The following KDM4A variants were observed in gnomAD, a reference collection of about 807,000 sequenced individuals.
The protein encoded by KDM4A is lysine demethylase 4A, also known as lysine-specific demethylase 4A.
A neutral mutation model predicts 127.1 loss-of-function variants in KDM4A; 23 were observed. The ratio of observed to expected loss-of-function variants is 0.18; its 90% CI spans 0.13 to 0.26. The LOEUF (loss-of-function observed/expected upper bound fraction) is 0.26, where lower values mean the gene tolerates loss of function less well. KDM4A is among the 10% of genes least tolerant of loss of function. The pLI is 1.00. For synonymous variants in KDM4A, 443 were observed against 466.5 expected (o/e 0.95, Z 0.65); for missense variants, 890 against 1,329.1 (o/e 0.67, Z 5.14).
At chr1:43,676,980 C>T (rs1660755025) in intron 11 of KDM4A, among the ~76,000 whole-genome samples, 1 of 152,152 alleles carries the variant, frequency 6.6e-6, no homozygotes, top group Non-Finnish European at 1.5e-5. Context: ...TGCCTCTCTG[C>T]TGAAGTATTT....
At chr1:43,690,652 G>A (rs1570865620) in intron 13 of KDM4A, 193 bp from the exon 14 acceptor site, 1 of 634,540 alleles carries the variant, frequency 1.6e-6, no homozygotes, top group Admixed American at 2.6e-5. Context: ...TTTGTATGAT[G>A]CTGCTGTGAG....
intron 11 of KDM4A, among the ~76,000 whole-genome samples, chr1:43,673,638 G>T (rs1660676560): frequency 6.6e-6 from 1 of 152,078 alleles, no homozygotes; most frequent in African/African-American, 2.4e-5. Flanking sequence ...AGGCTAATGA[G>T]CTAATAACTA....
In KDM4A at chr1:43,650,196, C is replaced by A; in HGVS notation, c.-96C>A. Reference sequence around the variant, plus strand: ...TCGCCTGCTGGAAAAGCAGTAGGATCGGCCAGTGGCGACAGCAGGAGCTGA... The same window carrying A: ...TCGCCTGCTGGAAAAGCAGTAGGATAGGCCAGTGGCGACAGCAGGAGCTGA... On this transcript the variant is annotated 5_prime_UTR_variant, in exon 1 of 22. Transcript: ENST00000372396. 1 of 152,448 alleles carries A rather than the reference C, an allele frequency of 6.6e-6. No individual in the cohort carries two copies. The highest frequency in any genetic ancestry group is 1.5e-5 in the Non-Finnish European group (1 of 68,120). The allele number at this position is 152,448 out of a possible 1,614,324, so 9.4% of individuals were successfully genotyped here.
intron 12 of KDM4A, among the ~76,000 whole-genome samples, chr1:43,686,866 T>C (rs1286615658): frequency 6.6e-6 from 1 of 152,244 alleles, no homozygotes; most frequent in Non-Finnish European, 1.5e-5. Context: ...TACAGCTCAA[T>C]GAAATTTTAC....
chr1:43,694,961 C>A lies in KDM4A; in HGVS notation c.2670+67C>A. On this transcript the variant is annotated intron_variant, in intron 18 of 21. Transcript: ENST00000372396. This position sits in a 1 kb window ranked among gnomAD's most constrained non-coding sequence, Gnocchi z 5.2. ...ATGGTCATTTTCTCTGCATGTTTTC[C>A]ATTTGTTGTATCAGCAACTATTTCC... 7.0e-7 allele frequency: 1 copy of A among 1,429,914 alleles called. No individual in the cohort carries two copies. The allele number at this position is 1,429,914 out of a possible 1,614,324, so 88.6% of individuals were successfully genotyped here. A position where few individuals can be genotyped will look rare whatever the true frequency, so the allele number is the denominator to read the frequency against.
chr1:43,668,020 G>T lies in KDM4A; in HGVS notation c.1163+1G>T. The T allele has an allele frequency of 6.2e-7, 1 of 1,613,816 alleles. No individual in the cohort carries two copies. Among genetic ancestry groups the T allele is most frequent in the Non-Finnish European group, 8.5e-7 (1 of 1,179,898 alleles). Reference sequence around the variant, plus strand: ...GAGAGGAAGGAGACCTGAAGACAAGGTAACCCAGCAGCCCTTTTGTCCTGG... The same window carrying T: ...GAGAGGAAGGAGACCTGAAGACAAGTTAACCCAGCAGCCCTTTTGTCCTGG... On this transcript the variant is annotated splice_donor_variant, in intron 9 of 21. Transcript: ENST00000372396. LOFTEE classifies it high-confidence loss of function.
chr1:43,671,278 T>C (rs1660612207), intron 10 of KDM4A, among the ~76,000 whole-genome samples: 1 of 152,194 alleles, frequency 6.6e-6, no homozygotes, highest in African/African-American at 2.4e-5. Context: ...GTCTTATTTA[T>C]GAGCCCTGTA....
chr1:43,667,073 C>T lies in KDM4A; in HGVS notation c.897C>T (p.Tyr299=), dbSNP rs78418435. The change falls in exon 8 of 22, where the codon TAC becomes TAT. Residue 299 remains tyrosine (Y), a synonymous_variant. Transcript: ENST00000372396. ...TNFATRRWIE[Y]GKQAVLCSCR... The stretch of plus-strand genomic sequence containing the variant: ...TTGCTACCCGTCGGTGGATTGAGTA[C>T]GGCAAGCAAGCTGTGCTGGTAAGTC... The T allele has an allele frequency of 3.5e-3, 5,691 of 1,614,100 alleles. 118 individuals carry two copies. In the East Asian group the frequency reaches 0.056, roughly 16 times the overall value.
At chr1:43,703,937 C>T (rs375834345) in intron 20 of KDM4A, 83 bp from the exon 21 acceptor site, 23 of 1,347,020 alleles carry the variant, frequency 1.7e-5, no homozygotes, top group Middle Eastern at 1.8e-4. Flanking sequence ...CTTCCTTTGA[C>T]TGTAGGGGAC....
intron 11 of KDM4A, among the ~76,000 whole-genome samples, chr1:43,683,477 C>A (rs759393920): frequency 3.9e-5 from 6 of 152,192 alleles, no homozygotes; most frequent in Non-Finnish European, 7.3e-5. Context: ...TTGGGTTTTG[C>A]CCTAAATTTA....
chr1:43,650,828 G>A (rs1470963820), intron 1 of KDM4A, among the ~76,000 whole-genome samples: 1 of 152,208 alleles, frequency 6.6e-6, no homozygotes. Flanking sequence ...GCTAATAAAC[G>A]GCAGAGACCG....
chr1:43,671,554 A>C lies in KDM4A; in HGVS notation c.1413A>C (p.Lys471Asn). The C allele has an allele frequency of 1.3e-6, 2 of 1,597,210 alleles. No individual in the cohort carries two copies. The highest frequency in any genetic ancestry group is 2.2e-5 in the East Asian group (1 of 44,778). The change falls in exon 11 of 22, where the codon AAA (lysine) becomes AAC (asparagine). Residue 471 changes from lysine (K) to asparagine (N), a missense_variant. This residue lies in a region of KDM4A where 389 missense variants were observed against 485.9 expected (regional missense o/e 0.80). Transcript: ENST00000372396. ...AATTTGAAGAGCTTAAAAATGTCAA[A>C]CTAGAAGAGGAGGATGAGGAGGAAG... ...EVKFEELKNV[K>N]LEEEDEEEEQ...
intron 19 of KDM4A, 61 bp from the exon 20 acceptor site, chr1:43,703,556 A>G: frequency 6.2e-7 from 1 of 1,602,090 alleles, no homozygotes; most frequent in Non-Finnish European, 8.5e-7. Context: ...TGAGTAGAGG[A>G]CAGTTACCTT....
intron 19 of KDM4A, among the ~76,000 whole-genome samples, chr1:43,701,708 G>A (rs1206984141): frequency 3.3e-5 from 5 of 151,982 alleles, no homozygotes; most frequent in Non-Finnish European, 7.4e-5. Context: ...GGCTGGTCTT[G>A]AACTCCTGGG....
chr1:43,667,695 G>T, intron 8 of KDM4A, 77 bp from the exon 9 acceptor site: 1 of 1,578,564 alleles, frequency 6.3e-7, no homozygotes, highest in Non-Finnish European at 8.7e-7. Flanking sequence ...CCATGTGGAG[G>T]GAGGAGCTAG....
At position 43,694,091 on chromosome 1, in the gene KDM4A, C is replaced by T. The variant is rs1375643320; in HGVS notation, c.2473C>T (p.Arg825Cys). Residue 825 changes from arginine to cysteine, a missense_variant, in exon 17 of 22, where the codon CGC becomes TGC. Around this residue, in one of 7 missense-constraint regions of KDM4A, gnomAD observed 246 missense variants for 418.4 expected, o/e 0.59. Coordinates refer to ENST00000372396, the MANE Select transcript of KDM4A (RefSeq NM_014663.3). The surrounding 1 kb of genome is among the most constrained non-coding windows in gnomAD (Gnocchi z 5.2). ...GGATGTGAGCAAAATCCCCCTGCCC[C>T]GCTTCAAACTGGTAAGGGCTTGTAG... ...PVDVSKIPLP[R>C]FKLKCIFCKK... 6 of 1,613,142 alleles carry T rather than the reference C, an allele frequency of 3.7e-6. No homozygotes were observed. The highest frequency in any genetic ancestry group is 1.3e-5 in the African/African-American group (1 of 75,042).
intron 11 of KDM4A, among the ~76,000 whole-genome samples, chr1:43,677,560 CT>C (rs1168641966): frequency 6.6e-6 from 1 of 152,156 alleles, no homozygotes; most frequent in Non-Finnish European, 1.5e-5. Context: ...GTTCTGAAGT[CT>C]TCCTTAATGT....
intron 11 of KDM4A, among the ~76,000 whole-genome samples, chr1:43,678,785 T>G (rs1021572599): frequency 2.0e-5 from 3 of 151,966 alleles, no homozygotes; most frequent in Admixed American, 6.6e-5. Flanking sequence ...TGGGGTATCC[T>G]TATGTTGCCT....
chr1:43,690,345 G>A (rs896295609), intron 13 of KDM4A, among the ~76,000 whole-genome samples: 2 of 151,382 alleles, frequency 1.3e-5, no homozygotes, highest in Non-Finnish European at 2.9e-5. Flanking sequence ...TTTTTTAGAC[G>A]GAGTCTCAGT....
Sources: allele counts gnomAD v4.1 joint callset (sites outside exome capture counted in the v4.1 genomes callset), GRCh38; gene constraint gnomAD v4.1.1; regional missense constraint gnomAD v4.1.1; non-coding constraint Gnocchi (gnomAD v3.1); transcripts MANE v1.5; gene names NCBI Gene and HGNC (gene_info 2026-07-23, HGNC 2026-07-21).